CACNG1: variants seen among roughly 807,000 people sequenced by gnomAD.
CACNG1 encodes voltage-dependent calcium channel gamma-1 subunit.
A neutral mutation model predicts 22.0 loss-of-function variants in CACNG1; 21 were observed. The observed-to-expected ratio is 0.95, with a 90% CI of 0.68 to 1.37. The LOEUF (loss-of-function observed/expected upper bound fraction) is 1.37, where lower values mean the gene tolerates loss of function less well. CACNG1 is among the 40% of genes most tolerant of loss of function. The pLI, the probability that CACNG1 is intolerant of heterozygous loss-of-function variation, is 0.00. For synonymous variants in CACNG1, 127 were observed against 129.2 expected, an observed-to-expected ratio of 0.98 and a Z score of 0.12; for missense variants, 291 against 308.6, an observed-to-expected ratio of 0.94 and a Z score of 0.43.
Position 67,056,709 on chromosome 17 carries a change from C to A in CACNG1, c.*438C>A. 1 of 169,322 alleles carries A rather than the reference C, an allele frequency of 5.9e-6. No individual in the cohort carries two copies. The highest frequency in any genetic ancestry group is 1.3e-5 in the Non-Finnish European group (1 of 78,212). 10.5% of individuals were successfully genotyped at this position (169,322 alleles called of 1,614,324 possible). On this transcript the variant is annotated 3_prime_UTR_variant, in exon 4 of 4. Coordinates refer to ENST00000226021, the MANE Select transcript of CACNG1 (RefSeq NM_000727.4). This position sits in a 1 kb window ranked among gnomAD's most constrained non-coding sequence, Gnocchi z 4.3. ...AACACACCCTCTCTGGTGAGCCCAGCGTCCCCTCCTTGGCTTCCAGGAGCC... is the reference window on the plus strand; with the variant it reads ...AACACACCCTCTCTGGTGAGCCCAGAGTCCCCTCCTTGGCTTCCAGGAGCC...
rs940908678 is a variant in CACNG1 at position 67,054,992 on chromosome 17, GACAC to G, written c.305-105_305-102del. 2.2e-5 allele frequency: 24 copies of G among 1,114,160 alleles called. No homozygotes were observed. Among genetic ancestry groups the G allele is most frequent in the Middle Eastern group, 4.2e-4 (2 of 4,758 alleles). The allele number at this position is 1,114,160 out of a possible 1,614,324, so 69.0% of individuals were successfully genotyped here. On this transcript the variant is annotated intron_variant, in intron 2 of 3. Coordinates refer to ENST00000226021, the MANE Select transcript of CACNG1 (RefSeq NM_000727.4). The surrounding 1 kb of genome is among the most constrained non-coding windows in gnomAD (Gnocchi z 4.6). ...GACACACACTTGACACACACACAAT[GACAC>G]ACACAGACACTGACACACACACTGT...
intron 1 of CACNG1, among the ~76,000 whole-genome samples, chr17:67,053,459 T>C (rs1035422789): frequency 1.3e-5 from 2 of 152,240 alleles, no homozygotes; most frequent in South Asian, 4.1e-4. Flanking sequence ...CTTGACACTC[T>C]TGATATTTTG....
chr17:67,054,024 T>G lies in CACNG1; in HGVS notation c.258T>G (p.Phe86Leu). 1 of 1,614,162 alleles carries G rather than the reference T, an allele frequency of 6.2e-7. No homozygotes were observed. Among genetic ancestry groups the G allele is most frequent in the Non-Finnish European group, 8.5e-7 (1 of 1,179,990 alleles). ...GEKNCSYFRH[F>L]NPGESSEIFE... Reference sequence around the variant, plus strand: ...AGAACTGTTCCTACTTCAGGCATTTTAACCCCGGCGAGAGCTCGGAGATCT... The same window carrying G: ...AGAACTGTTCCTACTTCAGGCATTTGAACCCCGGCGAGAGCTCGGAGATCT... The change falls in exon 2 of 4, where the codon TTT becomes TTG. Residue 86 changes from phenylalanine (F) to leucine (L), a missense_variant. Transcript: ENST00000226021. The surrounding 1 kb of genome is among the most constrained non-coding windows in gnomAD (Gnocchi z 4.6).
At chr17:67,050,601 A>G (rs979820161) in intron 1 of CACNG1, among the ~76,000 whole-genome samples, 2 of 152,214 alleles carry the variant, frequency 1.3e-5, no homozygotes, top group Non-Finnish European at 2.9e-5. Flanking sequence ...ACACTGATAC[A>G]TTCTCAGTGA....
rs1018795380 is a variant in CACNG1, at chr17:67,054,428, G to A, written c.304+358G>A. 6.6e-6 allele frequency among the ~76,000 whole-genome samples: 1 copy of A among 152,146 alleles called. No homozygotes were observed. The highest frequency in any genetic ancestry group is 1.5e-5 in the Non-Finnish European group (1 of 68,022). On this transcript the variant is annotated intron_variant, in intron 2 of 3. Transcript: ENST00000226021. The surrounding 1 kb of genome is among the most constrained non-coding windows in gnomAD (Gnocchi z 4.6). ...GGCATGTGATAGTTAGAGTCTGCAG[G>A]GACAGTCTGAGTCCCTCCCTGGCCT...
At chr17:67,049,259 A>T (rs925392933) in intron 1 of CACNG1, among the ~76,000 whole-genome samples, 1 of 152,226 alleles carries the variant, frequency 6.6e-6, no homozygotes, top group Non-Finnish European at 1.5e-5. Context: ...TGGTGGGATG[A>T]CATACATATA....
Position 67,044,792 on chromosome 17 carries a change from T to C in CACNG1, c.132T>C (p.Thr44=), listed in dbSNP as rs367858834. 2.4e-5 allele frequency: 39 copies of C among 1,613,218 alleles called. No individual in the cohort carries two copies. Among genetic ancestry groups the C allele is most frequent in the Non-Finnish European group, 3.3e-5 (39 of 1,180,006 alleles). ...GCCCCCACATGGAGCACCACAACAC[T>C]ACCTGCGAGGCGGCCCACTTCGGCC... ...VLSPHMEHHN[T]TCEAAHFGLW... is the part of the protein sequence containing the mutation. The change falls in exon 1 of 4, where the codon ACT becomes ACC. Residue 44 remains threonine (T), a synonymous_variant. Coordinates refer to ENST00000226021, the MANE Select transcript of CACNG1 (RefSeq NM_000727.4). This position sits in a 1 kb window ranked among gnomAD's most constrained non-coding sequence, Gnocchi z 6.9.
At position 67,055,179 on chromosome 17, in the gene CACNG1, G is replaced by A. The variant is rs140836897; in HGVS notation, c.381G>A (p.Leu127=). ...FIILGSLCVL[L]SLGKKRDYLL... is the part of the protein sequence containing the mutation. ...TCCTGGGCAGCCTCTGTGTCCTCCT[G>A]TCCCTCGGGAAGAAGAGGGACTATC... Residue 127 remains leucine, a synonymous_variant, in exon 3 of 4, where the codon CTG becomes CTA. Coordinates refer to ENST00000226021, the MANE Select transcript of CACNG1 (RefSeq NM_000727.4). This position sits in a 1 kb window ranked among gnomAD's most constrained non-coding sequence, Gnocchi z 4.5. 9 of 1,614,104 alleles carry A rather than the reference G, an allele frequency of 5.6e-6. No homozygotes were observed. Among genetic ancestry groups the A allele is most frequent in the Non-Finnish European group, 7.6e-6 (9 of 1,180,032 alleles).
In CACNG1 at chr17:67,055,382, G is replaced by T; in HGVS notation, c.442+142G>T. On this transcript the variant is annotated intron_variant, in intron 3 of 3. Coordinates refer to ENST00000226021, the MANE Select transcript of CACNG1 (RefSeq NM_000727.4). This position sits in a 1 kb window ranked among gnomAD's most constrained non-coding sequence, Gnocchi z 4.5. ...CCCCATCCAGGGGCAAACCTGGCCA[G>T]GCCATCAGCGACTCCAGGTGGGTTG... The T allele has an allele frequency of 2.1e-6, 2 of 942,478 alleles. No individual in the cohort carries two copies. The highest frequency in any genetic ancestry group is 3.1e-6 in the Non-Finnish European group (2 of 647,698). 58.4% of individuals were successfully genotyped at this position (942,478 alleles called of 1,614,324 possible).
chr17:67,053,276 G>C (rs947560718), intron 1 of CACNG1, among the ~76,000 whole-genome samples: 4 of 152,204 alleles, frequency 2.6e-5, no homozygotes, highest in African/African-American at 4.8e-5. Context: ...AAAGCCCTTT[G>C]CAGGGCATTT....
chr17:67,048,990 CA>C (rs1380572740), intron 1 of CACNG1, among the ~76,000 whole-genome samples: 1 of 151,620 alleles, frequency 6.6e-6, no homozygotes, highest in Non-Finnish European at 1.5e-5. Flanking sequence ...GAGAAAGGAG[CA>C]AAAAAGGTAT....
chr17:67,053,904 T>A (rs2035742304), intron 1 of CACNG1, 92 bp from the exon 2 acceptor site: 1 of 882,720 alleles, frequency 1.1e-6, no homozygotes, highest in South Asian at 1.3e-5. Flanking sequence ...GCCCCCTGCA[T>A]GCCGAGCAGA....
chr17:67,049,260 C>G (rs1284115854), intron 1 of CACNG1, among the ~76,000 whole-genome samples: 1 of 152,174 alleles, frequency 6.6e-6, no homozygotes, highest in Non-Finnish European at 1.5e-5. Flanking sequence ...GGTGGGATGA[C>G]ATACATATAT....
rs2035683763 is a variant in CACNG1 at position 67,044,633 on chromosome 17, C to G, written c.-28C>G. The stretch of plus-strand genomic sequence containing the variant: ...AGGAGACGCAGCCGCCGGACCCTGC[C>G]CAGGGCACCCACGCCTCGGCGACCA... On this transcript the variant is annotated 5_prime_UTR_variant, in exon 1 of 4. Transcript: ENST00000226021. The surrounding 1 kb of genome is among the most constrained non-coding windows in gnomAD (Gnocchi z 6.9). 6.5e-7 allele frequency: 1 copy of G among 1,528,580 alleles called. No homozygotes were observed. The highest frequency in any genetic ancestry group is 1.4e-5 in the African/African-American group (1 of 73,572). The allele number at this position is 1,528,580 out of a possible 1,614,324, so 94.7% of individuals were successfully genotyped here.
rs151329242 is a variant in CACNG1 at position 67,047,464 on chromosome 17, A to G, written c.229+2575A>G. On this transcript the variant is annotated intron_variant, in intron 1 of 3. Transcript: ENST00000226021. ...TTGCAAACCAACATTCCGTAATCAC[A>G]GTGAAAATCAGCATCCCAGTAGCCT... 8.5e-5 allele frequency among the ~76,000 whole-genome samples: 13 copies of G among 152,278 alleles called. No homozygotes were observed. The East Asian group carries it at 2.5e-3, about 29-fold the overall frequency.
chr17:67,056,462 A>C lies in CACNG1; in HGVS notation c.*191A>C, dbSNP rs2143423787. The C allele has an allele frequency of 3.3e-6, 2 of 603,204 alleles. No homozygotes were observed. Among genetic ancestry groups the C allele is most frequent in the South Asian group, 4.0e-5 (2 of 50,618 alleles). 37.4% of individuals were successfully genotyped at this position (603,204 alleles called of 1,614,324 possible). A position where few individuals can be genotyped will look rare whatever the true frequency, so the allele number is the denominator to read the frequency against. On this transcript the variant is annotated 3_prime_UTR_variant, in exon 4 of 4. Transcript: ENST00000226021. This position sits in a 1 kb window ranked among gnomAD's most constrained non-coding sequence, Gnocchi z 4.3. ...CCGCAGGCTCCCCTGGGAATAGAGC[A>C]AGACGTGAGTCCTAACCTGGCCACA...
chr17:67,044,583 C>A lies in CACNG1; in HGVS notation c.-78C>A. 1 of 938,578 alleles carries A rather than the reference C, an allele frequency of 1.1e-6. No individual in the cohort carries two copies. The highest frequency in any genetic ancestry group is 1.4e-5 in the South Asian group (1 of 69,758). The allele number at this position is 938,578 out of a possible 1,614,324, so 58.1% of individuals were successfully genotyped here. ...CCAGCTCGACAACCACTGCCACCCCCCAAGCTCGGCTTGTCACCTGCCCTA... is the reference window on the plus strand; with the variant it reads ...CCAGCTCGACAACCACTGCCACCCCACAAGCTCGGCTTGTCACCTGCCCTA... On this transcript the variant is annotated 5_prime_UTR_variant, in exon 1 of 4. Transcript: ENST00000226021. This position sits in a 1 kb window ranked among gnomAD's most constrained non-coding sequence, Gnocchi z 6.9.
intron 1 of CACNG1, among the ~76,000 whole-genome samples, chr17:67,045,950 C>T (rs910802658): frequency 1.3e-5 from 2 of 152,320 alleles, no homozygotes; most frequent in African/African-American, 2.4e-5. Flanking sequence ...ACCGTGTGAC[C>T]GAACCACACG....
In CACNG1 at chr17:67,056,734, C is replaced by A. The variant is rs2035764728; in HGVS notation, c.*463C>A. The A allele has an allele frequency of 6.2e-6, 1 of 162,296 alleles. No individual in the cohort carries two copies. The highest frequency in any genetic ancestry group is 5.8e-5 in the Admixed American group (1 of 17,120). The allele number at this position is 162,296 out of a possible 1,614,324, so 10.1% of individuals were successfully genotyped here. A position where few individuals can be genotyped will look rare whatever the true frequency, so the allele number is the denominator to read the frequency against. ...CGTCCCCTCCTTGGCTTCCAGGAGC[C>A]CTGGGAAGCATTTTTAACTGGGTAG... On this transcript the variant is annotated 3_prime_UTR_variant, in exon 4 of 4. Transcript: ENST00000226021. The surrounding 1 kb of genome is among the most constrained non-coding windows in gnomAD (Gnocchi z 4.3).
Sources: gnomAD v4.1 joint callset for allele counts (sites outside exome capture counted in the v4.1 genomes callset) on GRCh38, gnomAD v4.1.1 for gene constraint, Gnocchi (gnomAD v3.1) non-coding constraint, MANE v1.5 for transcripts, NCBI Gene and HGNC (gene_info 2026-07-23, HGNC 2026-07-21) for gene names.